The following ARID3A variants were observed in gnomAD, a reference collection of about 807,000 sequenced individuals.
The protein encoded by ARID3A is AT-rich interaction domain 3A, also known as AT-rich interactive domain-containing protein 3A.
A neutral mutation model predicts 52.7 loss-of-function variants in ARID3A; 11 were observed. That is an observed-to-expected ratio of 0.21 (90% CI 0.13 to 0.35). The LOEUF is 0.35. Among genes scored for constraint, ARID3A ranks in the 10% least tolerant of loss-of-function variants. The pLI is 1.00. For synonymous variants in ARID3A, 404 were observed against 359.4 expected, an observed-to-expected ratio of 1.12 and a Z score of -1.40; for missense variants, 721 against 838.5, an observed-to-expected ratio of 0.86 and a Z score of 1.73.
At position 964,244 on chromosome 19, in the gene ARID3A, C is replaced by T; in HGVS notation, c.767-4C>T. ...CCCAACCTCCCTCTCGCCCCTTCCC[C>T]CAGGGACACCTGTGAACCGCATCCC... is the stretch of plus-strand genomic sequence containing the variant. On this transcript the variant is annotated splice_polypyrimidine_tract_variant and splice_region_variant and intron_variant, in intron 4 of 8. Coordinates refer to ENST00000263620, the MANE Select transcript of ARID3A (RefSeq NM_005224.3). This position sits in a 1 kb window ranked among gnomAD's most constrained non-coding sequence, Gnocchi z 5.7. 1 of 1,608,214 alleles carries T rather than the reference C, an allele frequency of 6.2e-7. No individual in the cohort carries two copies. The highest frequency in any genetic ancestry group is 8.5e-7 in the Non-Finnish European group (1 of 1,175,570).
rs2037713191 is a variant in ARID3A at position 947,589 on chromosome 19, G to A, written c.694-12503G>A. 3.3e-5 allele frequency among the ~76,000 whole-genome samples: 5 copies of A among 152,196 alleles called. No homozygotes were observed. The highest frequency in any genetic ancestry group is 2.6e-4 in the Admixed American group (4 of 15,280). On this transcript the variant is annotated intron_variant, in intron 3 of 8. Transcript: ENST00000263620. This position sits in a 1 kb window ranked among gnomAD's most constrained non-coding sequence, Gnocchi z 6.3. The stretch of plus-strand genomic sequence containing the variant: ...ATGAGAAGACCGAGGTGCCAGGGTG[G>A]CGATCGCACGAAGGGCCCGTCACGG...
At position 942,557 on chromosome 19, in the gene ARID3A, G is replaced by T. The variant is rs1036037859; in HGVS notation, c.693+9815G>T. ...ACGCTGACTAATCTGGCCATTGAAG[G>T]CCCAAGCGCCGGGATATGCAGCCTT... On this transcript the variant is annotated intron_variant, in intron 3 of 8. Coordinates refer to ENST00000263620, the MANE Select transcript of ARID3A (RefSeq NM_005224.3). This position sits in a 1 kb window ranked among gnomAD's most constrained non-coding sequence, Gnocchi z 8.1. Among the ~76,000 whole-genome samples, 1 of 152,200 alleles carries T rather than the reference G, an allele frequency of 6.6e-6. No homozygotes were observed. The highest frequency in any genetic ancestry group is 1.5e-5 in the Non-Finnish European group (1 of 68,022).
intron 2 of ARID3A, among the ~76,000 whole-genome samples, chr19:931,592 C>T (rs2037329240): frequency 6.6e-6 from 1 of 152,032 alleles, no homozygotes; most frequent in African/African-American, 2.4e-5. Flanking sequence ...GTGGGCGGAT[C>T]ACGAGGTCAG....
rs2037284544 is a variant in ARID3A, at chr19:929,862, G to A, written c.334G>A (p.Glu112Lys). ...PGRGREGPGEEHFEDMASDED... is the reference protein window; with the variant it reads ...PGRGREGPGEKHFEDMASDED... ...GCGAGGCAGAGAAGGGCCAGGAGAG[G>A]AGCACTTTGAGGACATGGCCTCCGA... is the stretch of plus-strand genomic sequence containing the variant. The change falls in exon 2 of 9, where the codon GAG (glutamate) becomes AAG (lysine). Residue 112 changes from glutamate (E) to lysine (K), a missense_variant. Transcript: ENST00000263620. This position sits in a 1 kb window ranked among gnomAD's most constrained non-coding sequence, Gnocchi z 6.2. The A allele has an allele frequency of 3.2e-6, 5 of 1,543,964 alleles. No homozygotes were observed. The Admixed American group carries it at 7.8e-5, about 24-fold the overall frequency.
intron 2 of ARID3A, among the ~76,000 whole-genome samples, chr19:931,414 T>G (rs1368802057): frequency 6.8e-6 from 1 of 147,096 alleles, no homozygotes; most frequent in Non-Finnish European, 1.5e-5. Context: ...ATCGTGCCTT[T>G]GCACTCCAGC....
chr19:962,788 G>A (rs1425876308), intron 4 of ARID3A, among the ~76,000 whole-genome samples: 1 of 152,042 alleles, frequency 6.6e-6, no homozygotes, highest in African/African-American at 2.4e-5. Flanking sequence ...GTGCTGGAAT[G>A]ACAGGCTTGA....
At position 929,906 on chromosome 19, in the gene ARID3A, G is replaced by T. The variant is rs375440712; in HGVS notation, c.368+10G>T. On this transcript the variant is annotated intron_variant, in intron 2 of 8. Coordinates refer to ENST00000263620, the MANE Select transcript of ARID3A (RefSeq NM_005224.3). This position sits in a 1 kb window ranked among gnomAD's most constrained non-coding sequence, Gnocchi z 6.2. ...CCTCCGACGAGGACATGTGAGTTGG[G>T]GTCTGGGGCAGGGCCTTCTGGGGGC... The T allele has an allele frequency of 1.8e-5, 28 of 1,539,108 alleles. No homozygotes were observed. Among genetic ancestry groups the T allele is most frequent in the Non-Finnish European group, 2.2e-5 (25 of 1,146,768 alleles).
chr19:960,686 C>A lies in ARID3A; in HGVS notation c.766+522C>A, dbSNP rs2038022400. On this transcript the variant is annotated intron_variant, in intron 4 of 8. Transcript: ENST00000263620. The surrounding 1 kb of genome is among the most constrained non-coding windows in gnomAD (Gnocchi z 4.3). ...CCTCTTCCCACCAGGGCCTCAGTTT[C>A]CCCATCTGTAAAAACGGGCCACAAA... Among the ~76,000 whole-genome samples, 1 of 152,096 alleles carries A rather than the reference C, an allele frequency of 6.6e-6. No individual in the cohort carries two copies. Among genetic ancestry groups the A allele is most frequent in the Non-Finnish European group, 1.5e-5 (1 of 68,004 alleles).
At chr19:953,965 C>G (rs2037859608) in intron 3 of ARID3A, among the ~76,000 whole-genome samples, 1 of 152,168 alleles carries the variant, frequency 6.6e-6, no homozygotes, top group African/African-American at 2.4e-5. Context: ...CTCATTGGCT[C>G]AGGAGACCGA....
intron 3 of ARID3A, among the ~76,000 whole-genome samples, chr19:957,612 G>A (rs546345033): frequency 1.3e-5 from 2 of 152,334 alleles, no homozygotes; most frequent in South Asian, 2.1e-4. Context: ...AAGGCAACAC[G>A]TGAGGATCGA....
intron 3 of ARID3A, among the ~76,000 whole-genome samples, chr19:940,424 G>A (rs2037524628): frequency 1.3e-5 from 2 of 152,054 alleles, no homozygotes; most frequent in South Asian, 2.1e-4. Context: ...GGTGGGCAGA[G>A]CTTGAGGGCA....
rs1312751039 is a variant in ARID3A at position 941,003 on chromosome 19, T to A, written c.693+8261T>A. 6.6e-6 allele frequency among the ~76,000 whole-genome samples: 1 copy of A among 152,004 alleles called. No homozygotes were observed. Among genetic ancestry groups the A allele is most frequent in the Non-Finnish European group, 1.5e-5 (1 of 67,966 alleles). On this transcript the variant is annotated intron_variant, in intron 3 of 8. Transcript: ENST00000263620. The surrounding 1 kb of genome is among the most constrained non-coding windows in gnomAD (Gnocchi z 6.9). ...CGTCGCTGACTCAGCCGGAAGAGCC[T>A]TATCTGGCCCCTGCGCCACCGCCTG...
chr19:943,487 G>A (rs984806810), intron 3 of ARID3A, among the ~76,000 whole-genome samples: 2 of 151,914 alleles, frequency 1.3e-5, no homozygotes, highest in African/African-American at 4.8e-5. Flanking sequence ...AGAATTGTTT[G>A]AACCCAGGAG....
chr19:950,694 G>T (rs349306), intron 3 of ARID3A, among the ~76,000 whole-genome samples: 1 of 152,154 alleles, frequency 6.6e-6, no homozygotes, highest in Non-Finnish European at 1.5e-5. Flanking sequence ...TGGTCCCTCC[G>T]ACCTTGGAGG....
At chr19:935,860 G>A (rs777455042) in intron 3 of ARID3A, among the ~76,000 whole-genome samples, 4 of 152,074 alleles carry the variant, frequency 2.6e-5, no homozygotes, top group East Asian at 1.9e-4. Flanking sequence ...GCGCGATCGC[G>A]GCTCACTGCA....
chr19:963,349 T>TG (rs1778646971), intron 4 of ARID3A, among the ~76,000 whole-genome samples: 1 of 152,100 alleles, frequency 6.6e-6, no homozygotes, highest in Admixed American at 6.5e-5. Context: ...GAACATGGGG[T>TG]GGGGGCCACA....
chr19:973,881 G>C lies in ARID3A; in HGVS notation c.*1816G>C, dbSNP rs2038330681. On this transcript the variant is annotated 3_prime_UTR_variant, in exon 9 of 9. Transcript: ENST00000263620. ...CTGCTGGAGCAGAAAGGCTGGGTCTGAAATGCCCAGCAGGGTCTGGGGACT... is the reference window on the plus strand; with the variant it reads ...CTGCTGGAGCAGAAAGGCTGGGTCTCAAATGCCCAGCAGGGTCTGGGGACT... 3 of 230,994 alleles carry C rather than the reference G, an allele frequency of 1.3e-5. No homozygotes were observed. The South Asian group carries it at 5.4e-4, about 42-fold the overall frequency. The allele number at this position is 230,994 out of a possible 1,614,324, so 14.3% of individuals were successfully genotyped here. A position where few individuals can be genotyped will look rare whatever the true frequency, so the allele number is the denominator to read the frequency against.
chr19:973,981 GT>G lies in ARID3A; in HGVS notation c.*1917del. On this transcript the variant is annotated 3_prime_UTR_variant, in exon 9 of 9. Transcript: ENST00000263620. ...GCTCTGGGCTTTCATTTCTCTTGGGGTGCAGTGGGGATTAACTCAGCTATTC... is the reference window on the plus strand; with the variant it reads ...GCTCTGGGCTTTCATTTCTCTTGGGGGCAGTGGGGATTAACTCAGCTATTC... 1 of 229,964 alleles carries G rather than the reference GT, an allele frequency of 4.3e-6. No homozygotes were observed. The highest frequency in any genetic ancestry group is 8.6e-6 in the Non-Finnish European group (1 of 116,008). 14.2% of individuals were successfully genotyped at this position (229,964 alleles called of 1,614,324 possible).
At chr19:940,552 C>T (rs962585293) in intron 3 of ARID3A, among the ~76,000 whole-genome samples, 6 of 152,066 alleles carry the variant, frequency 3.9e-5, no homozygotes, top group Non-Finnish European at 5.9e-5. Flanking sequence ...AACACTGCAG[C>T]TGGGCTTCTG....
Sources: allele counts gnomAD v4.1 joint callset (sites outside exome capture counted in the v4.1 genomes callset), GRCh38; gene constraint gnomAD v4.1.1; non-coding constraint Gnocchi (gnomAD v3.1); transcripts MANE v1.5; gene names NCBI Gene and HGNC (gene_info 2026-07-23, HGNC 2026-07-21).